The following FHIT variants were observed in gnomAD, a reference collection of about 807,000 sequenced individuals.
The protein encoded by FHIT is bis(5'-adenosyl)-triphosphatase.
In FHIT, 19 loss-of-function variants were observed where a neutral mutation model predicts 17.9. The observed-to-expected ratio is 1.06, with a 90% confidence interval of 0.74 to 1.56. The LOEUF is 1.56. Ranked by LOEUF, FHIT falls within the 40% of genes most tolerant of loss-of-function variation. The probability of loss-of-function intolerance (pLI) is 0.00; values close to 1 mark genes in which losing one functional copy is unlikely to be tolerated. For missense variants in FHIT, 248 were observed against 189.2 expected, an observed-to-expected ratio of 1.31 and a Z score of -1.82; for synonymous variants, 81 against 69.7, an observed-to-expected ratio of 1.16 and a Z score of -0.81.
intron 5 of FHIT, among the ~76,000 whole-genome samples, chr3:60,369,060 C>T (rs1198993466): frequency 6.6e-6 from 1 of 152,108 alleles, no homozygotes; most frequent in African/African-American, 2.4e-5. Flanking sequence ...GCAGTGTCAG[C>T]CTCCCAGGCT....
In FHIT at chr3:60,042,374, A is replaced by C. The variant is rs146933371; in HGVS notation, c.104-28222T>G. Among the ~76,000 whole-genome samples, 301 of 152,316 alleles carry C rather than the reference A, an allele frequency of 2.0e-3. 2 individuals are homozygous for C. Among genetic ancestry groups the C allele is most frequent in the African/African-American group, 6.8e-3 (283 of 41,588 alleles). ...CTAGGACGAGCATAACAAAATACCA[A>C]GTACCACAAACTGGCTGGCTTAGAA... On this transcript the variant is annotated intron_variant, in intron 5 of 9. Transcript: ENST00000492590.
chr3:60,564,008 G>C (rs2037046597), intron 4 of FHIT, among the ~76,000 whole-genome samples: 1 of 152,142 alleles, frequency 6.6e-6, no homozygotes, highest in Non-Finnish European at 1.5e-5. Flanking sequence ...CCTAGCTAGA[G>C]AGGAGAAGTT....
At chr3:61,209,897 A>G (rs2039399073) in intron 1 of FHIT, among the ~76,000 whole-genome samples, 1 of 152,138 alleles carries the variant, frequency 6.6e-6, no homozygotes. Flanking sequence ...TCTGATTTTT[A>G]GAGTTTCCAG....
intron 7 of FHIT, among the ~76,000 whole-genome samples, chr3:59,979,006 G>T (rs1216670385): frequency 1.3e-5 from 2 of 152,074 alleles, no homozygotes; most frequent in Non-Finnish European, 2.9e-5. Flanking sequence ...TCTGCATCTG[G>T]AGGCTTAGGA....
At chr3:60,915,158 T>A (rs912501226) in intron 3 of FHIT, among the ~76,000 whole-genome samples, 17 of 152,104 alleles carry the variant, frequency 1.1e-4, no homozygotes, top group African/African-American at 4.1e-4. Context: ...CTTCCATGTC[T>A]TTTTTTTCTT....
chr3:60,496,769 G>T (rs1463227575), intron 5 of FHIT, among the ~76,000 whole-genome samples: 4 of 152,114 alleles, frequency 2.6e-5, no homozygotes, highest in Admixed American at 1.3e-4. Flanking sequence ...CTTCCACTCA[G>T]GGACTAGAAT....
intron 4 of FHIT, among the ~76,000 whole-genome samples, chr3:60,713,807 A>G (rs2041607110): frequency 6.6e-6 from 1 of 151,926 alleles, no homozygotes. Context: ...TACCAACCAA[A>G]AAGAGTCCAG....
At chr3:61,208,064 C>T (rs1159325967) in intron 1 of FHIT, among the ~76,000 whole-genome samples, 2 of 152,088 alleles carry the variant, frequency 1.3e-5, no homozygotes, top group Non-Finnish European at 2.9e-5. Context: ...GCCTTCATTT[C>T]GTTATGTACC....
At position 61,202,531 on chromosome 3, in the gene FHIT, G is replaced by T. The variant is rs1452429480; in HGVS notation, c.-212-1866C>A. Reference sequence around the variant, plus strand: ...CGTTAAAAAAAAAAAAAGAGAGAGAGAAAGCCAATATAAAAATATATGGAT... The same window carrying T: ...CGTTAAAAAAAAAAAAAGAGAGAGATAAAGCCAATATAAAAATATATGGAT... On this transcript the variant is annotated intron_variant, in intron 1 of 9. Transcript: ENST00000492590. Among the ~76,000 whole-genome samples the T allele has an allele frequency of 1.1e-4, 16 of 151,664 alleles. No homozygotes were observed. The East Asian group carries it at 2.7e-3, about 26-fold the overall frequency.
intron 5 of FHIT, among the ~76,000 whole-genome samples, chr3:60,290,645 T>C (rs1312536571): frequency 6.6e-6 from 1 of 152,134 alleles, no homozygotes; most frequent in Non-Finnish European, 1.5e-5. Context: ...AGAAAAGGAA[T>C]ATGAAACCAT....
At chr3:60,854,240 CCT>C (rs1703274344) in intron 3 of FHIT, among the ~76,000 whole-genome samples, 1 of 151,950 alleles carries the variant, frequency 6.6e-6, no homozygotes, top group Non-Finnish European at 1.5e-5. Context: ...TTTTTCACTT[CCT>C]CTCTTTCCCT....
chr3:60,203,108 G>T (rs768812759), intron 5 of FHIT, among the ~76,000 whole-genome samples: 1 of 151,964 alleles, frequency 6.6e-6, no homozygotes, highest in Non-Finnish European at 1.5e-5. Context: ...TAATTTTCTA[G>T]TTCTTACATG....
At chr3:60,643,710 A>C (rs2039783962) in intron 4 of FHIT, among the ~76,000 whole-genome samples, 1 of 152,178 alleles carries the variant, frequency 6.6e-6, no homozygotes, top group Non-Finnish European at 1.5e-5. Context: ...CAGTATACTC[A>C]ATTATTTATA....
At chr3:60,775,999 T>G (rs1700206171) in intron 4 of FHIT, among the ~76,000 whole-genome samples, 1 of 152,204 alleles carries the variant, frequency 6.6e-6, no homozygotes, top group African/African-American at 2.4e-5. Flanking sequence ...TTCTTTCCCC[T>G]TCTCTACCCC....
At chr3:59,961,188 C>A (rs1004431409) in intron 7 of FHIT, among the ~76,000 whole-genome samples, 1 of 152,004 alleles carries the variant, frequency 6.6e-6, no homozygotes, top group Non-Finnish European at 1.5e-5. Context: ...TTCTCATCTT[C>A]GATCTTACTG....
At chr3:60,288,177 C>T (rs902676711) in intron 5 of FHIT, among the ~76,000 whole-genome samples, 6 of 152,140 alleles carry the variant, frequency 3.9e-5, no homozygotes, top group African/African-American at 1.4e-4. Context: ...AGAGGAAGCT[C>T]TCCATAAAGC....
chr3:60,091,195 G>C (rs1703715070), intron 5 of FHIT, among the ~76,000 whole-genome samples: 1 of 152,148 alleles, frequency 6.6e-6, no homozygotes, highest in Admixed American at 6.5e-5. Context: ...TCAGGCAGGT[G>C]AACAGTTTTA....
At chr3:60,624,753 C>T (rs1041384140) in intron 4 of FHIT, among the ~76,000 whole-genome samples, 1 of 152,132 alleles carries the variant, frequency 6.6e-6, no homozygotes, top group African/African-American at 2.4e-5. Flanking sequence ...GCTTCTTTCA[C>T]TTACTGTAAT....
At chr3:59,934,924 C>T (rs1031167453) in intron 7 of FHIT, among the ~76,000 whole-genome samples, 2 of 152,118 alleles carry the variant, frequency 1.3e-5, no homozygotes, top group Non-Finnish European at 2.9e-5. Context: ...GGTGCGGATG[C>T]AGCCAAACCA....
Sources: allele counts gnomAD v4.1 joint callset (sites outside exome capture counted in the v4.1 genomes callset), GRCh38; gene constraint gnomAD v4.1.1; transcripts MANE v1.5; gene names NCBI Gene and HGNC (gene_info 2026-07-23, HGNC 2026-07-21).